Variants in MDGA2 observed in about 807,000 individuals in gnomAD.
MDGA2 encodes the protein MAM domain containing glycosylphosphatidylinositol anchor 2.
Under a neutral mutation model 117.8 loss-of-function variants are expected in MDGA2, and 40 were observed. The ratio of observed to expected loss-of-function variants is 0.34; its 90% CI spans 0.26 to 0.44. The LOEUF (loss-of-function observed/expected upper bound fraction) is 0.44, where lower values mean the gene tolerates loss of function less well. MDGA2 is among the 20% of genes least tolerant of loss of function. The probability of loss-of-function intolerance (pLI) is 1.00; values close to 1 mark genes in which losing one functional copy is unlikely to be tolerated. For synonymous variants in MDGA2, 452 were observed against 439.0 expected (o/e 1.03, Z -0.37); for missense variants, 1,123 against 1,250.6 (o/e 0.90, Z 1.54).
At chr14:47,189,222 A>G (rs1885021441) in intron 3 of MDGA2, among the ~76,000 whole-genome samples, 1 of 151,822 alleles carries the variant, frequency 6.6e-6, no homozygotes, top group African/African-American at 2.4e-5. Flanking sequence ...TCCCCCATCC[A>G]TATATAGAAA....
At chr14:47,545,459 T>C (rs558755039) in intron 1 of MDGA2, among the ~76,000 whole-genome samples, 234 of 152,302 alleles carry the variant, frequency 1.5e-3, no homozygotes, top group African/African-American at 5.3e-3. Context: ...AGAGGTAGAA[T>C]ACACTTTATT....
chr14:46,918,425 C>T (rs912774774), intron 10 of MDGA2, among the ~76,000 whole-genome samples: 3 of 152,078 alleles, frequency 2.0e-5, no homozygotes, highest in African/African-American at 7.2e-5. Flanking sequence ...AAGAAATAAG[C>T]CCACAAACTG....
chr14:47,412,819 A>C (rs1379574278), intron 1 of MDGA2, among the ~76,000 whole-genome samples: 1 of 152,208 alleles, frequency 6.6e-6, no homozygotes, highest in Non-Finnish European at 1.5e-5. Flanking sequence ...ATGCAATTTC[A>C]AGGTGAGAGT....
At chr14:47,249,140 C>T (rs556751877) in intron 2 of MDGA2, among the ~76,000 whole-genome samples, 2 of 151,992 alleles carry the variant, frequency 1.3e-5, no homozygotes, top group Non-Finnish European at 2.9e-5. Context: ...GCCTCAGCCC[C>T]CCGAGTAGAT....
At chr14:47,100,500 T>A (rs985397098) in intron 5 of MDGA2, among the ~76,000 whole-genome samples, 1 of 152,118 alleles carries the variant, frequency 6.6e-6, no homozygotes, top group Non-Finnish European at 1.5e-5. Flanking sequence ...AATTCCCTTA[T>A]TACCATGAAA....
At chr14:47,618,390 T>C (rs998139506) in intron 1 of MDGA2, among the ~76,000 whole-genome samples, 23 of 152,186 alleles carry the variant, frequency 1.5e-4, no homozygotes, top group Non-Finnish European at 2.5e-4. Flanking sequence ...TCCATCTGCA[T>C]GCTCCTCATT....
chr14:47,396,374 T>A (rs1892009096), intron 1 of MDGA2, among the ~76,000 whole-genome samples: 1 of 152,132 alleles, frequency 6.6e-6, no homozygotes, highest in South Asian at 2.1e-4. Flanking sequence ...TTTTCTTTTT[T>A]AAATTAGGAC....
intron 1 of MDGA2, among the ~76,000 whole-genome samples, chr14:47,671,575 C>G (rs1186321919): frequency 6.6e-6 from 1 of 152,076 alleles, no homozygotes; most frequent in East Asian, 1.9e-4. Flanking sequence ...CCTCTTGAAC[C>G]ATGATACTAG....
chr14:46,884,633 T>C lies in MDGA2; in HGVS notation c.2239-2412A>G, dbSNP rs1882597456. Among the ~76,000 whole-genome samples, 1 of 151,958 alleles carries C rather than the reference T, an allele frequency of 6.6e-6. No individual in the cohort carries two copies. On this transcript the variant is annotated intron_variant, in intron 10 of 16. Transcript: ENST00000399232. The surrounding 1 kb of genome is among the most constrained non-coding windows in gnomAD (Gnocchi z 4.1). ...ATGGCATGGGAAGAAAGCCCAAATA[T>C]AAAATATATAGAGTGTCTGCACAGA...
intron 8 of MDGA2, among the ~76,000 whole-genome samples, chr14:46,993,339 G>C (rs1887163942): frequency 6.6e-6 from 1 of 152,040 alleles, no homozygotes; most frequent in African/African-American, 2.4e-5. Context: ...TTCAAATTTA[G>C]TTTGGTTCTC....
chr14:47,289,645 T>C (rs976146300), intron 2 of MDGA2, among the ~76,000 whole-genome samples: 1 of 152,102 alleles, frequency 6.6e-6, no homozygotes, highest in Admixed American at 6.6e-5. Flanking sequence ...TAAAATGATA[T>C]ATTTATAACT....
intron 12 of MDGA2, among the ~76,000 whole-genome samples, chr14:46,876,788 T>A (rs1325943942): frequency 6.6e-6 from 1 of 151,502 alleles, no homozygotes; most frequent in East Asian, 1.9e-4. Context: ...CTTAAACTTG[T>A]AAGAAATCTA....
At position 46,842,034 on chromosome 14, in the gene MDGA2, A is replaced by C. The variant is rs1354143212; in HGVS notation, c.2990-15T>G. On this transcript the variant is annotated splice_polypyrimidine_tract_variant and intron_variant, in intron 16 of 16. Coordinates refer to ENST00000399232, the MANE Select transcript of MDGA2 (RefSeq NM_001113498.3). ...ATCAACGGAATCTAAAGATAAGGAA[A>C]ATAAATGCAAACAAAAAAAGAAGAA... is the stretch of plus-strand genomic sequence containing the variant. The C allele has an allele frequency of 6.3e-7, 1 of 1,576,838 alleles. No homozygotes were observed. Among genetic ancestry groups the C allele is most frequent in the Admixed American group, 1.7e-5 (1 of 59,638 alleles).
chr14:46,897,917 G>T (rs1291866913), intron 10 of MDGA2, among the ~76,000 whole-genome samples: 3 of 151,812 alleles, frequency 2.0e-5, no homozygotes, highest in Non-Finnish European at 4.4e-5. Flanking sequence ...ATGATAGATA[G>T]ATCCTAATTT....
intron 8 of MDGA2, among the ~76,000 whole-genome samples, chr14:46,972,217 T>G (rs1479025149): frequency 1.3e-5 from 2 of 152,140 alleles, no homozygotes; most frequent in Non-Finnish European, 2.9e-5. Context: ...AGAATTAAAC[T>G]GAATTGTTGA....
intron 7 of MDGA2, among the ~76,000 whole-genome samples, chr14:47,053,260 T>G (rs1889520915): frequency 6.6e-6 from 1 of 151,926 alleles, no homozygotes; most frequent in Admixed American, 6.6e-5. Context: ...TCTTATTCTC[T>G]TCTTGGGTGA....
intron 1 of MDGA2, among the ~76,000 whole-genome samples, chr14:47,374,630 A>C (rs1316726012): frequency 6.6e-6 from 1 of 152,112 alleles, no homozygotes; most frequent in African/African-American, 2.4e-5. Flanking sequence ...GAAACATCAA[A>C]ATGGTTTCAA....
At chr14:47,576,535 T>C (rs1379002551) in intron 1 of MDGA2, among the ~76,000 whole-genome samples, 1 of 152,170 alleles carries the variant, frequency 6.6e-6, no homozygotes, top group Non-Finnish European at 1.5e-5. Context: ...CAATCTGTAC[T>C]GTATTGGAAG....
At chr14:47,371,964 C>CA (rs1474472637) in intron 1 of MDGA2, among the ~76,000 whole-genome samples, 1 of 151,202 alleles carries the variant, frequency 6.6e-6, no homozygotes, top group Non-Finnish European at 1.5e-5. Flanking sequence ...AATATGTTTA[C>CA]AAAAATAAAA....
Sources: gnomAD v4.1 joint callset for allele counts (sites outside exome capture counted in the v4.1 genomes callset) on GRCh38, gnomAD v4.1.1 for gene constraint, Gnocchi (gnomAD v3.1) non-coding constraint, MANE v1.5 for transcripts, NCBI Gene and HGNC (gene_info 2026-07-23, HGNC 2026-07-21) for gene names.